Variants in LARGE1 observed in about 807,000 individuals in gnomAD.
The protein encoded by LARGE1 is LARGE xylosyl- and glucuronyltransferase 1, also known as xylosyl- and glucuronyltransferase LARGE1.
In LARGE1, 43 loss-of-function variants were observed where a neutral mutation model predicts 87.6. The ratio of observed to expected loss-of-function variants is 0.49; its 90% CI spans 0.38 to 0.63. The LOEUF (loss-of-function observed/expected upper bound fraction) is 0.63, where lower values mean the gene tolerates loss of function less well. Among genes scored for constraint, LARGE1 ranks in the 30% least tolerant of loss-of-function variants. The pLI, the probability that LARGE1 is intolerant of heterozygous loss-of-function variation, is 0.00. For synonymous variants in LARGE1, 434 were observed against 394.6 expected (o/e 1.10, Z -1.18); for missense variants, 802 against 1,000.2 (o/e 0.80, Z 2.67).
At chr22:33,736,551 T>A (rs1199294640) in intron 2 of LARGE1, among the ~76,000 whole-genome samples, 1 of 152,260 alleles carries the variant, frequency 6.6e-6, no homozygotes, top group Non-Finnish European at 1.5e-5. Flanking sequence ...CCTTATCAGA[T>A]AAATGACTGC....
the LARGE1 span, among the ~76,000 whole-genome samples, chr22:33,140,077 C>T: frequency 6.6e-6 from 1 of 152,216 alleles, no homozygotes. Context: ...CCATTATTCT[C>T]AGCCTGCTGT....
intron 1 of LARGE1, among the ~76,000 whole-genome samples, chr22:33,912,664 T>C (rs1372850203): frequency 1.3e-5 from 2 of 151,936 alleles, no homozygotes; most frequent in African/African-American, 4.8e-5. Flanking sequence ...TACCTGCAAC[T>C]CCAGGTTGCC....
chr22:33,260,482 T>C (rs1024844178), intron 11 of LARGE1, among the ~76,000 whole-genome samples: 10 of 152,240 alleles, frequency 6.6e-5, no homozygotes, highest in African/African-American at 2.4e-4. Flanking sequence ...TTCCAACCGC[T>C]GGGCTGTGAG....
At chr22:33,671,373 A>G (rs1003772738) in intron 2 of LARGE1, among the ~76,000 whole-genome samples, 12 of 152,236 alleles carry the variant, frequency 7.9e-5, no homozygotes, top group Non-Finnish European at 1.5e-5. Context: ...ACACCTAAAC[A>G]CTGAACCAAA....
At chr22:33,279,330 G>A (rs924198710) in intron 13 of LARGE1, among the ~76,000 whole-genome samples, 2 of 152,230 alleles carry the variant, frequency 1.3e-5, no homozygotes, top group Non-Finnish European at 2.9e-5. Flanking sequence ...GCTGCAGGGA[G>A]AGAGGAAGTG....
At chr22:33,170,771 G>A (rs1376518197) in intron 11 of LARGE1, among the ~76,000 whole-genome samples, 1 of 152,160 alleles carries the variant, frequency 6.6e-6, no homozygotes, top group Non-Finnish European at 1.5e-5. Flanking sequence ...TGTGAGAATG[G>A]ACTAATACAG....
intron 1 of LARGE1, among the ~76,000 whole-genome samples, chr22:33,847,502 CAA>C (rs2063468736): frequency 6.6e-6 from 1 of 152,092 alleles, no homozygotes; most frequent in South Asian, 2.1e-4. Context: ...CACATGGTAA[CAA>C]TATTGAGTAT....
chr22:33,094,281 C>G, the LARGE1 span, among the ~76,000 whole-genome samples: 478 of 152,264 alleles, frequency 3.1e-3, 5 homozygotes, highest in African/African-American at 0.011. Flanking sequence ...CTCTTCTCCA[C>G]TGTCCTCATT....
the LARGE1 span, among the ~76,000 whole-genome samples, chr22:33,088,824 G>T: frequency 6.6e-6 from 1 of 152,172 alleles, no homozygotes. Flanking sequence ...ACATTAACTT[G>T]CCATGTCTCA....
intron 1 of LARGE1, among the ~76,000 whole-genome samples, chr22:33,785,354 T>A (rs2085607837): frequency 6.6e-6 from 1 of 152,000 alleles, no homozygotes; most frequent in Non-Finnish European, 1.5e-5. Flanking sequence ...ATTAGAAAAC[T>A]GAAGTATTCA....
intron 6 of LARGE1, among the ~76,000 whole-genome samples, chr22:33,495,399 C>T (rs1018053519): frequency 1.3e-5 from 2 of 152,146 alleles, no homozygotes; most frequent in Non-Finnish European, 2.9e-5. Context: ...GTTTTCCATC[C>T]CCTGTAGCAC....
chr22:33,733,261 G>C (rs567540187), intron 2 of LARGE1: 1 of 152,308 alleles, frequency 6.6e-6, no homozygotes, highest in South Asian at 2.1e-4. Flanking sequence ...GCAGACTCTA[G>C]TAATTTAATT....
chr22:33,527,302 G>A lies in LARGE1; in HGVS notation c.787+37546C>T, dbSNP rs573581107. Among the ~76,000 whole-genome samples the A allele has an allele frequency of 7.2e-5, 11 of 152,334 alleles. No homozygotes were observed. In the East Asian group the frequency reaches 1.9e-3, roughly 27 times the overall value. On this transcript the variant is annotated intron_variant, in intron 6 of 14. Transcript: ENST00000397394. ...GGATAAAAACCCCTATAGGTCGGAT[G>A]AGCTAGATTTGGAACTCTGTTTTCC...
At chr22:33,258,664 G>A (rs923685141) in intron 11 of LARGE1, among the ~76,000 whole-genome samples, 1 of 152,110 alleles carries the variant, frequency 6.6e-6, no homozygotes, top group Non-Finnish European at 1.5e-5. Flanking sequence ...GAGAACAGAG[G>A]CATTCCTAAT....
intron 1 of LARGE1, among the ~76,000 whole-genome samples, chr22:33,779,212 GT>G (rs1353327510): frequency 6.6e-6 from 1 of 152,096 alleles, no homozygotes; most frequent in Non-Finnish European, 1.5e-5. Context: ...AGCACATAAG[GT>G]TCTAGAACCA....
At chr22:33,160,062 A>C (rs1265380687), downstream of LARGE1, among the ~76,000 whole-genome samples, 1 of 152,214 alleles carries the variant, frequency 6.6e-6, no homozygotes, top group East Asian at 1.9e-4. Flanking sequence ...TCTTTCCCAT[A>C]AGTTTTCACA....
chr22:33,692,947 A>G (rs1017334237), intron 2 of LARGE1, among the ~76,000 whole-genome samples: 1 of 152,206 alleles, frequency 6.6e-6, no homozygotes, highest in Non-Finnish European at 1.5e-5. Context: ...ACATGCACAC[A>G]TATGTTCACT....
At chr22:33,135,744 G>A in the LARGE1 span, among the ~76,000 whole-genome samples, 1 of 152,176 alleles carries the variant, frequency 6.6e-6, no homozygotes, top group African/African-American at 2.4e-5. Context: ...GGAGGCTGAG[G>A]CAGAAGAATT....
chr22:33,128,614 C>T, the LARGE1 span, among the ~76,000 whole-genome samples: 1 of 145,028 alleles, frequency 6.9e-6, no homozygotes, highest in African/African-American at 2.5e-5. Flanking sequence ...GTGGAGGGTG[C>T]AGTGAGCCGA....
Sources: allele counts gnomAD v4.1 joint callset (sites outside exome capture counted in the v4.1 genomes callset), GRCh38; gene constraint gnomAD v4.1.1; transcripts MANE v1.5; gene names NCBI Gene and HGNC (gene_info 2026-07-23, HGNC 2026-07-21).